GABARAPL2: variants seen among roughly 807,000 people sequenced by gnomAD.
GABARAPL2 encodes the protein gamma-aminobutyric acid receptor-associated protein-like 2.
In GABARAPL2, 11 loss-of-function variants were observed where a neutral mutation model predicts 16.9. The observed-to-expected ratio is 0.65, with a 90% CI of 0.41 to 1.08. The LOEUF (loss-of-function observed/expected upper bound fraction) is 1.08, where lower values mean the gene tolerates loss of function less well. GABARAPL2 is among the 50% of genes least tolerant of loss of function. The probability of loss-of-function intolerance (pLI) is 0.00; values close to 1 mark genes in which losing one functional copy is unlikely to be tolerated. For missense variants in GABARAPL2, 134 were observed against 142.5 expected (o/e 0.94, Z 0.30); for synonymous variants, 57 against 50.7 (o/e 1.12, Z -0.53).
chr16:75,570,244 G>T (rs1021623974), intron 3 of GABARAPL2, among the ~76,000 whole-genome samples: 1 of 152,078 alleles, frequency 6.6e-6, no homozygotes, highest in Non-Finnish European at 1.5e-5. Flanking sequence ...AGGACCACAG[G>T]TGCATGTCAC....
At chr16:75,573,819 C>T (rs1488608134) in intron 3 of GABARAPL2, among the ~76,000 whole-genome samples, 2 of 152,104 alleles carry the variant, frequency 1.3e-5, no homozygotes, top group Non-Finnish European at 1.5e-5. Context: ...TTGGTGGTCT[C>T]CTAGTTTTGT....
At chr16:75,574,621 T>TA (rs2080936510) in intron 3 of GABARAPL2, among the ~76,000 whole-genome samples, 1 of 152,148 alleles carries the variant, frequency 6.6e-6, no homozygotes, top group Non-Finnish European at 1.5e-5. Flanking sequence ...GCCCTTCTGC[T>TA]AGTTTCTGGC....
At chr16:75,574,876 A>G (rs912712530) in intron 3 of GABARAPL2, among the ~76,000 whole-genome samples, 3 of 116,722 alleles carry the variant, frequency 2.6e-5, no homozygotes, top group African/African-American at 1.1e-4. Context: ...AACAAAAACA[A>G]AAACAAATTA....
chr16:75,570,204 T>C (rs536807506), intron 3 of GABARAPL2, among the ~76,000 whole-genome samples: 16 of 152,252 alleles, frequency 1.1e-4, no homozygotes, highest in African/African-American at 3.9e-4. Flanking sequence ...CAAGTGATCC[T>C]CTCACCTCAG....
At chr16:75,567,004 C>A in intron 2 of GABARAPL2, 97 bp downstream of exon 2, 2 of 1,067,088 alleles carry the variant, frequency 1.9e-6, no homozygotes, top group Non-Finnish European at 1.4e-6. Context: ...AGTTGAGGTT[C>A]CAGTCCCAGT....
rs1051180220 is a variant in GABARAPL2 at position 75,566,564 on chromosome 16, C to T, written c.34+44C>T. The T allele has an allele frequency of 5.0e-6, 8 of 1,597,332 alleles. No homozygotes were observed. The African/African-American group carries it at 6.8e-5, about 14-fold the overall frequency. ...GCCCGGCTGCTGGGGGCTGGGGCGGCGGGTGGGCCCCCTCCCCCACTCGGG... is the reference window on the plus strand; with the variant it reads ...GCCCGGCTGCTGGGGGCTGGGGCGGTGGGTGGGCCCCCTCCCCCACTCGGG... On this transcript the variant is annotated intron_variant, in intron 1 of 3. Transcript: ENST00000037243.
chr16:75,566,573 C>T (rs2080884081), intron 1 of GABARAPL2, 53 bp downstream of exon 1: 1 of 1,593,214 alleles, frequency 6.3e-7, no homozygotes. Flanking sequence ...GCGGGTGGGC[C>T]CCCTCCCCCA....
intron 3 of GABARAPL2, chr16:75,572,654 A>G (rs1351827748): frequency 6.6e-6 from 1 of 152,130 alleles, no homozygotes; most frequent in East Asian, 1.9e-4. Context: ...GATCTGTGTC[A>G]TTCAGTGGAG....
At chr16:75,566,932 C>G in intron 2 of GABARAPL2, 25 bp downstream of exon 2, 2 of 1,596,906 alleles carry the variant, frequency 1.3e-6, no homozygotes, top group Non-Finnish European at 1.7e-6. Context: ...CGCCCCCTCA[C>G]CTCGCTGTCA....
At position 75,577,439 on chromosome 16, in the gene GABARAPL2, T is replaced by C. The variant is rs951429900; in HGVS notation, c.*70T>C. On this transcript the variant is annotated 3_prime_UTR_variant, in exon 4 of 4. Coordinates refer to ENST00000037243, the MANE Select transcript of GABARAPL2 (RefSeq NM_007285.7). ...GTAAATAGCCAGCCATTTTCAGTTA[T>C]TATACCAGAACCTCTTCACATAGAC... 10 of 890,378 alleles carry C rather than the reference T, an allele frequency of 1.1e-5. No individual in the cohort carries two copies. The highest frequency in any genetic ancestry group is 8.2e-5 in the African/African-American group (5 of 61,126). 55.2% of individuals were successfully genotyped at this position (890,378 alleles called of 1,614,324 possible). A position where few individuals can be genotyped will look rare whatever the true frequency, so the allele number is the denominator to read the frequency against.
intron 2 of GABARAPL2, 100 bp downstream of exon 2, chr16:75,567,007 G>A (rs1378648680): frequency 3.8e-6 from 4 of 1,061,626 alleles, no homozygotes; most frequent in South Asian, 2.6e-5. Flanking sequence ...TGAGGTTCCA[G>A]TCCCAGTTAC....
intron 3 of GABARAPL2, 161 bp downstream of exon 3, chr16:75,568,370 A>C (rs2080896266): frequency 2.1e-5 from 11 of 533,628 alleles, no homozygotes; most frequent in Admixed American, 3.1e-5. Context: ...TAATGGCTGC[A>C]ATACATAAGA....
At chr16:75,572,977 T>C (rs973236448) in intron 3 of GABARAPL2, among the ~76,000 whole-genome samples, 2 of 152,206 alleles carry the variant, frequency 1.3e-5, no homozygotes, top group African/African-American at 2.4e-5. Context: ...GCAGTGCTAC[T>C]TGCGAGTTGT....
Position 75,568,195 on chromosome 16 carries a change from A to G in GABARAPL2, c.249A>G (p.Thr83=), listed in dbSNP as rs747764185. Residue 83 remains threonine (T), a synonymous_variant, in exon 3 of 4, where the codon ACA becomes ACG. Coordinates refer to ENST00000037243, the MANE Select transcript of GABARAPL2 (RefSeq NM_007285.7). ...CGATCTTCCTGTTTGTGGATAAGACAGTCCCACAGTCCAGGTGAGAGGTGT... is the reference window on the plus strand; with the variant it reads ...CGATCTTCCTGTTTGTGGATAAGACGGTCCCACAGTCCAGGTGAGAGGTGT... ...EKAIFLFVDK[T]VPQSSLTMGQ... The G allele has an allele frequency of 8.7e-6, 14 of 1,607,810 alleles. No individual in the cohort carries two copies. The Admixed American group carries it at 1.0e-4, about 11-fold the overall frequency.
intron 3 of GABARAPL2, among the ~76,000 whole-genome samples, chr16:75,575,267 C>T (rs1476028692): frequency 6.6e-6 from 1 of 151,584 alleles, no homozygotes; most frequent in Non-Finnish European, 1.5e-5. Flanking sequence ...TTTCTAGTAG[C>T]CACATTAAAA....
intron 3 of GABARAPL2, chr16:75,575,604 C>G (rs1395436982): frequency 1.3e-5 from 2 of 152,298 alleles, no homozygotes; most frequent in Non-Finnish European, 2.9e-5. Flanking sequence ...TGCCCGCCAC[C>G]ACGCCCAGCT....
At chr16:75,577,088 G>T (rs1000684617) in intron 3 of GABARAPL2, 191 bp from the exon 4 acceptor site, 12 of 515,922 alleles carry the variant, frequency 2.3e-5, no homozygotes, top group African/African-American at 2.3e-4. Context: ...ATGTCAAATG[G>T]CTTTGCCTTC....
Position 75,568,135 on chromosome 16 carries a change from C to T in GABARAPL2, c.189C>T (p.Ile63=). The T allele has an allele frequency of 3.7e-6, 6 of 1,613,040 alleles. No individual in the cohort carries two copies. The highest frequency in any genetic ancestry group is 5.1e-6 in the Non-Finnish European group (6 of 1,178,984). Residue 63 remains isoleucine, a synonymous_variant, in exon 3 of 4, where the codon ATC becomes ATT. Coordinates refer to ENST00000037243, the MANE Select transcript of GABARAPL2 (RefSeq NM_007285.7). ...TCACTGTGGCTCAGTTCATGTGGAT[C>T]ATCAGGAAAAGGATCCAGCTTCCTT... is the stretch of plus-strand genomic sequence containing the variant. ...SDITVAQFMW[I]IRKRIQLPSE...
chr16:75,566,637 A>G, intron 1 of GABARAPL2, 117 bp downstream of exon 1: 1 of 1,208,526 alleles, frequency 8.3e-7, no homozygotes. Flanking sequence ...TGCGGGCTGG[A>G]GTCGCCCATG....
Sources: allele counts gnomAD v4.1 joint callset (sites outside exome capture counted in the v4.1 genomes callset), GRCh38; gene constraint gnomAD v4.1.1; transcripts MANE v1.5; gene names NCBI Gene and HGNC (gene_info 2026-07-23, HGNC 2026-07-21).